CSMD1: variants seen among roughly 807,000 people sequenced by gnomAD.
CSMD1 encodes CUB and sushi domain-containing protein 1.
A neutral mutation model predicts 417.5 loss-of-function variants in CSMD1; 213 were observed. The ratio of observed to expected loss-of-function variants is 0.51; its 90% CI spans 0.46 to 0.57. The LOEUF (loss-of-function observed/expected upper bound fraction) is 0.57, where lower values mean the gene tolerates loss of function less well. CSMD1 is among the 20% of genes least tolerant of loss of function. The probability of loss-of-function intolerance (pLI) is 0.00; values close to 1 mark genes in which losing one functional copy is unlikely to be tolerated. For synonymous variants in CSMD1, 2,862 were observed against 1,736.8 expected, an observed-to-expected ratio of 1.65 and a Z score of -16.11; for missense variants, 6,923 against 4,529.7, an observed-to-expected ratio of 1.53 and a Z score of -15.17.
chr8:3,627,233 T>C (rs1796538273), intron 7 of CSMD1, among the ~76,000 whole-genome samples: 1 of 152,176 alleles, frequency 6.6e-6, no homozygotes, highest in African/African-American at 2.4e-5. Flanking sequence ...GAGTTTAAGA[T>C]TGTGATAAAA....
chr8:3,411,083 T>C (rs540534343), intron 12 of CSMD1, among the ~76,000 whole-genome samples: 1 of 152,188 alleles, frequency 6.6e-6, no homozygotes, highest in African/African-American at 2.4e-5. Context: ...GGGCTTCCTG[T>C]TTGTGCAGAG....
chr8:4,067,470 A>G (rs2130764893), intron 3 of CSMD1, among the ~76,000 whole-genome samples: 1 of 135,502 alleles, frequency 7.4e-6, no homozygotes, highest in South Asian at 2.6e-4. Context: ...TTCTTTTCAC[A>G]TGAAATAAAT....
In CSMD1 at chr8:3,633,994, A is replaced by G. The variant is rs767275927; in HGVS notation, c.1010-17197T>C. Among the ~76,000 whole-genome samples the G allele has an allele frequency of 2.0e-5, 3 of 152,006 alleles. No individual in the cohort carries two copies. In the East Asian group the frequency reaches 5.8e-4, roughly 29 times the overall value. On this transcript the variant is annotated intron_variant, in intron 7 of 69. Transcript: ENST00000635120. ...GAAGATGAATATGCATGACCCTTATATAAAATGTCTGTAAATGTTTTATCT... is the reference window on the plus strand; with the variant it reads ...GAAGATGAATATGCATGACCCTTATGTAAAATGTCTGTAAATGTTTTATCT...
chr8:3,139,675 C>A (rs1351093681), intron 41 of CSMD1, among the ~76,000 whole-genome samples: 1 of 151,958 alleles, frequency 6.6e-6, no homozygotes, highest in Non-Finnish European at 1.5e-5. Context: ...GTCCAAGGTA[C>A]ATTAAAATTA....
intron 4 of CSMD1, among the ~76,000 whole-genome samples, chr8:4,015,061 C>T (rs2554603): frequency 6.6e-6 from 1 of 151,856 alleles, no homozygotes; most frequent in Non-Finnish European, 1.5e-5. Context: ...AATTTTGATA[C>T]GATTTACACT....
chr8:4,953,363 A>G (rs1808876412), intron 1 of CSMD1, among the ~76,000 whole-genome samples: 1 of 152,094 alleles, frequency 6.6e-6, no homozygotes. Flanking sequence ...ATCCTGAATC[A>G]CCATTTATGG....
intron 2 of CSMD1, among the ~76,000 whole-genome samples, chr8:4,524,076 C>T (rs879371663): frequency 1.3e-5 from 2 of 151,914 alleles, no homozygotes; most frequent in Non-Finnish European, 2.9e-5. Context: ...AATGAACGAA[C>T]AACTAGACTC....
intron 40 of CSMD1, among the ~76,000 whole-genome samples, chr8:3,148,340 G>A (rs1316848715): frequency 6.6e-6 from 1 of 152,138 alleles, no homozygotes; most frequent in African/African-American, 2.4e-5. Context: ...ATTTTCTTAT[G>A]ATTCCGGAGA....
chr8:3,295,543 G>A (rs1047074029), intron 25 of CSMD1, among the ~76,000 whole-genome samples: 29 of 152,184 alleles, frequency 1.9e-4, no homozygotes, highest in Admixed American at 1.7e-3. Context: ...CTAAAGGTCA[G>A]TTTGTTTCTA....
At chr8:2,950,081 C>A in intron 67 of CSMD1, 150 bp downstream of exon 67, 1 of 584,678 alleles carries the variant, frequency 1.7e-6, no homozygotes, top group South Asian at 2.5e-5. Context: ...AATAAAATGG[C>A]CACTCTGTCA....
intron 34 of CSMD1, among the ~76,000 whole-genome samples, chr8:3,189,421 G>T (rs563537288): frequency 2.6e-5 from 4 of 152,188 alleles, no homozygotes; most frequent in African/African-American, 7.2e-5. Context: ...GAGAAGAGGC[G>T]CTTAAAATGT....
chr8:3,893,339 T>TTATATATGTATATATATATATATATA lies in CSMD1; in HGVS notation c.818+104563_818+104564insTATATATATATATATATACATATATA, dbSNP rs1231999334. Among the ~76,000 whole-genome samples, 237 of 80,450 alleles carry TTATATATGTATATATATATATATATA rather than the reference T, an allele frequency of 2.9e-3. 28 individuals carry two copies. In the East Asian group the frequency reaches 0.047, roughly 16 times the overall value. The allele number at this position is 80,450 out of a possible 152,430, so 52.8% of individuals were successfully genotyped here. A position where few individuals can be genotyped will look rare whatever the true frequency, so the allele number is the denominator to read the frequency against. On this transcript the variant is annotated intron_variant, in intron 5 of 69. Transcript: ENST00000635120. ...TCCCAAACTAATAATATTCACAATTTTATATATATATATATATATATATTA... is the reference window on the plus strand; with the variant it reads ...TCCCAAACTAATAATATTCACAATTTTATATATGTATATATATATATATATATATATATATATATATATATATATTA...
chr8:4,029,009 C>T (rs752186804), intron 4 of CSMD1, among the ~76,000 whole-genome samples: 6 of 152,092 alleles, frequency 3.9e-5, no homozygotes, highest in African/African-American at 9.7e-5. Context: ...AATATGACAA[C>T]GGCACTTGGG....
intron 8 of CSMD1, among the ~76,000 whole-genome samples, chr8:3,590,122 T>G (rs116403180): frequency 6.6e-6 from 1 of 152,020 alleles, no homozygotes; most frequent in South Asian, 2.1e-4. Context: ...TGTAGTAATA[T>G]AGAAAAAGAA....
chr8:3,184,708 T>G (rs1391730304), intron 36 of CSMD1, among the ~76,000 whole-genome samples: 2 of 152,222 alleles, frequency 1.3e-5, no homozygotes, highest in African/African-American at 4.8e-5. Context: ...TCAGGACTCA[T>G]CCTATGGAGA....
At chr8:3,141,777 C>G (rs1181352504) in intron 41 of CSMD1, among the ~76,000 whole-genome samples, 1 of 149,062 alleles carries the variant, frequency 6.7e-6, no homozygotes, top group Non-Finnish European at 1.5e-5. Context: ...ACCGGCTTCC[C>G]AAGCCCCTGC....
At chr8:3,390,415 C>T (rs948428027) in intron 17 of CSMD1, among the ~76,000 whole-genome samples, 1 of 123,380 alleles carries the variant, frequency 8.1e-6, no homozygotes, top group Non-Finnish European at 1.7e-5. Flanking sequence ...TCCAATGGAA[C>T]AATACATTTA....
intron 49 of CSMD1, among the ~76,000 whole-genome samples, chr8:3,086,628 C>CAA (rs966436520): frequency 4.0e-5 from 6 of 150,502 alleles, no homozygotes; most frequent in African/African-American, 1.2e-4. Context: ...GATAAAATGC[C>CAA]AAAAAAAAGG....
rs1398516376 is a variant in CSMD1, at chr8:4,329,219, G to A, written c.415+90734C>T. Among the ~76,000 whole-genome samples the A allele has an allele frequency of 1.3e-5, 2 of 152,102 alleles. 1 individual carries two copies. Among genetic ancestry groups the A allele is most frequent in the Admixed American group, 1.3e-4 (2 of 15,272 alleles). On this transcript the variant is annotated intron_variant, in intron 3 of 69. Transcript: ENST00000635120. ...GAGATGTTTCCAATACAAATTATTT[G>A]GACCTTATCAGTGTTGACATATGCA... is the stretch of plus-strand genomic sequence containing the variant.
Sources: gnomAD v4.1 joint callset for allele counts (sites outside exome capture counted in the v4.1 genomes callset) on GRCh38, gnomAD v4.1.1 for gene constraint, MANE v1.5 for transcripts, NCBI Gene and HGNC (gene_info 2026-07-23, HGNC 2026-07-21) for gene names.